Variants in NHS observed in about 807,000 individuals in gnomAD.
NHS encodes the protein actin remodeling regulator NHS.
NHS carries 5 observed loss-of-function variants against 72.5 expected under a neutral mutation model. That is an observed-to-expected ratio of 0.07 (90% CI 0.04 to 0.14). The LOEUF is 0.14. Among genes scored for constraint, NHS ranks in the 10% least tolerant of loss-of-function variants. The pLI, the probability that NHS is intolerant of heterozygous loss-of-function variation, is 1.00. For missense variants in NHS, 1,072 were observed against 1,355.7 expected (o/e 0.79, Z 3.29); for synonymous variants, 464 against 547.7 (o/e 0.85, Z 2.13).
At chrX:17,619,331 G>A (rs1348593415) in intron 1 of NHS, among the ~76,000 whole-genome samples, 2 of 112,219 alleles carry the variant, frequency 1.8e-5, no homozygotes, top group Non-Finnish European at 3.7e-5. Context: ...AACTGTGTGT[G>A]TGCTCAGCTC....
At chrX:17,640,091 C>T (rs1211504330) in intron 1 of NHS, among the ~76,000 whole-genome samples, 1 of 111,889 alleles carries the variant, frequency 8.9e-6, no homozygotes, top group Non-Finnish European at 1.9e-5. Context: ...AGAGATAAGG[C>T]TGCAGGAAGC....
chrX:17,709,500 TCAGTCAGGCTC>T (rs199672219), intron 3 of NHS, among the ~76,000 whole-genome samples: 5,136 of 111,628 alleles, frequency 0.046, 303 homozygotes, highest in African/African-American at 0.16. Flanking sequence ...ATGTGCTTTA[TCAGTCAGGCTC>T]CAGTCAGGAA....
chrX:17,392,904 C>G (rs2064452301), intron 1 of NHS, among the ~76,000 whole-genome samples: 1 of 112,208 alleles, frequency 8.9e-6, no homozygotes, highest in African/African-American at 3.2e-5. Context: ...ATCCTGACCT[C>G]TGACAGCATA....
At chrX:17,646,555 T>C (rs1451476083) in intron 1 of NHS, among the ~76,000 whole-genome samples, 1 of 111,811 alleles carries the variant, frequency 8.9e-6, no homozygotes, top group Non-Finnish European at 1.9e-5. Context: ...ATGTCTCCTC[T>C]GCTCTGGAAA....
Position 17,701,328 on chromosome X carries a change from T to A in NHS, c.852+8860T>A, listed in dbSNP as rs549414687. On this transcript the variant is annotated intron_variant, in intron 3 of 8. Coordinates refer to ENST00000676302, the MANE Select transcript of NHS (RefSeq NM_001291867.2). ...GAGTCCATTCTGCTGTGACACAACA[T>A]ATGCATCCCTAAAAATCTCCACACT... 2.7e-5 allele frequency among the ~76,000 whole-genome samples: 3 copies of A among 111,711 alleles called. No homozygotes were observed. The South Asian group carries it at 1.1e-3, about 42-fold the overall frequency.
chrX:17,386,902 T>C (rs2064413604), intron 1 of NHS, among the ~76,000 whole-genome samples: 1 of 111,796 alleles, frequency 8.9e-6, no homozygotes, highest in Non-Finnish European at 1.9e-5. Flanking sequence ...TCTTGCTTGC[T>C]TTGCTCTTTC....
At chrX:17,483,444 A>C in intron 1 of NHS, among the ~76,000 whole-genome samples, 1 of 112,172 alleles carries the variant, frequency 8.9e-6, no homozygotes, top group Non-Finnish European at 1.9e-5. Context: ...AGTACTGCTA[A>C]TACCACCGTG....
rs1456427385 is a variant in NHS, at chrX:17,557,777, G to A, written c.566-129965G>A. ...CAGGCCTCAGAAGGTCCACTTCGAA[G>A]TTTACACACATGGTTGTTGGCAGGA... On this transcript the variant is annotated intron_variant, in intron 1 of 8. Coordinates refer to ENST00000676302, the MANE Select transcript of NHS (RefSeq NM_001291867.2). Among the ~76,000 whole-genome samples, 69 of 111,540 alleles carry A rather than the reference G, an allele frequency of 6.2e-4. 5 individuals carry two copies. Among genetic ancestry groups the A allele is most frequent in the Non-Finnish European group, 1.9e-5 (1 of 53,164 alleles).
intron 1 of NHS, among the ~76,000 whole-genome samples, chrX:17,584,752 C>T (rs2065565485): frequency 9.0e-6 from 1 of 111,600 alleles, no homozygotes; most frequent in African/African-American, 3.3e-5. Context: ...TTTTCACAAA[C>T]AAATAGTCTC....
intron 1 of NHS, among the ~76,000 whole-genome samples, chrX:17,558,119 T>C (rs1328392849): frequency 1.8e-5 from 2 of 112,092 alleles, no homozygotes; most frequent in African/African-American, 6.5e-5. Flanking sequence ...GGGGAGCCCT[T>C]AGAGGCTTGC....
chrX:17,521,856 G>T (rs1351258871), intron 1 of NHS, among the ~76,000 whole-genome samples: 1 of 112,454 alleles, frequency 8.9e-6, no homozygotes, highest in South Asian at 3.7e-4. Context: ...GCTAGCTAAG[G>T]CCTGGTCACC....
At chrX:17,465,342 A>T (rs1381166800) in intron 1 of NHS, among the ~76,000 whole-genome samples, 2 of 111,673 alleles carry the variant, frequency 1.8e-5, no homozygotes, top group African/African-American at 6.5e-5. Flanking sequence ...GGAATTAAAG[A>T]AGCACTTTGG....
At chrX:17,381,630 T>C (rs1288624050) in intron 1 of NHS, among the ~76,000 whole-genome samples, 1 of 112,793 alleles carries the variant, frequency 8.9e-6, no homozygotes, top group Non-Finnish European at 1.9e-5. Flanking sequence ...AGCTGATTGT[T>C]CATTCTCATT....
intron 3 of NHS, among the ~76,000 whole-genome samples, chrX:17,716,979 T>TTC (rs2066368009): frequency 9.6e-6 from 1 of 104,077 alleles, no homozygotes; most frequent in Non-Finnish European, 2.0e-5. Context: ...TTTTTTTTTT[T>TTC]CCCTCCGAGA....
intron 1 of NHS, among the ~76,000 whole-genome samples, chrX:17,536,861 T>G (rs907036056): frequency 8.9e-5 from 10 of 112,121 alleles, no homozygotes; most frequent in Non-Finnish European, 1.7e-4. Flanking sequence ...AAGCCTCTTT[T>G]TTTCCATTCT....
At chrX:17,554,049 G>C (rs2065351980) in intron 1 of NHS, among the ~76,000 whole-genome samples, 1 of 111,955 alleles carries the variant, frequency 8.9e-6, no homozygotes, top group Non-Finnish European at 1.9e-5. Flanking sequence ...GCGGAGTTTT[G>C]GGAAAACTCT....
chrX:17,613,404 A>G (rs2065720588), intron 1 of NHS, among the ~76,000 whole-genome samples: 1 of 111,541 alleles, frequency 9.0e-6, no homozygotes, highest in African/African-American at 3.3e-5. Flanking sequence ...TTCGTACTAC[A>G]AGAACAACCC....
intron 1 of NHS, among the ~76,000 whole-genome samples, chrX:17,510,955 A>G (rs1474311524): frequency 8.9e-6 from 1 of 112,327 alleles, no homozygotes; most frequent in Non-Finnish European, 1.9e-5. Flanking sequence ...AGGCTGATGC[A>G]CAAGAGATTG....
intron 1 of NHS, among the ~76,000 whole-genome samples, chrX:17,507,714 C>T (rs1237620694): frequency 8.9e-6 from 1 of 112,149 alleles, no homozygotes; most frequent in African/African-American, 3.2e-5. Flanking sequence ...AAGACATAGA[C>T]AAAACTGCTA....
Sources: allele counts gnomAD v4.1 joint callset (sites outside exome capture counted in the v4.1 genomes callset), GRCh38; gene constraint gnomAD v4.1.1; transcripts MANE v1.5; gene names NCBI Gene and HGNC (gene_info 2026-07-23, HGNC 2026-07-21).